The following ZNF525 variants were observed in gnomAD, a reference collection of about 807,000 sequenced individuals.
ZNF525 encodes zinc finger protein 525.
Under a neutral mutation model 37.6 loss-of-function variants are expected in ZNF525, and 33 were observed. The observed-to-expected ratio is 0.88, with a 90% CI of 0.67 to 1.17. ZNF525 has a LOEUF of 1.17. ZNF525 is among the 50% of genes most tolerant of loss of function. The probability of loss-of-function intolerance (pLI) is 0.00; values close to 1 mark genes in which losing one functional copy is unlikely to be tolerated. For missense variants in ZNF525, 449 were observed against 543.1 expected (o/e 0.83, Z 1.72); for synonymous variants, 170 against 182.3 (o/e 0.93, Z 0.54).
At chr19:53,375,606 A>G (rs2085515915) in intron 2 of ZNF525, among the ~76,000 whole-genome samples, 164 bp from the exon 3 acceptor site, 1 of 152,122 alleles carries the variant, frequency 6.6e-6, no homozygotes, top group Non-Finnish European at 1.5e-5. Context: ...AAGTATAACA[A>G]AACACAACTG....
In ZNF525 at chr19:53,369,148, A is replaced by T. The variant is rs539634593; in HGVS notation, c.-67-3067A>T. Among the ~76,000 whole-genome samples the T allele has an allele frequency of 5.9e-5, 9 of 152,306 alleles. No individual in the cohort carries two copies. The South Asian group carries it at 1.9e-3, about 32-fold the overall frequency. On this transcript the variant is annotated intron_variant, in intron 1 of 3. Coordinates refer to ENST00000474037, the MANE Select transcript of ZNF525 (RefSeq NM_001348156.2). ...GGGAACTTTTTTTTGACCTTGCATG[A>T]ATTTTAAACTATTCACCAGGTGAAA...
chr19:53,382,023 C>A lies in ZNF525; in HGVS notation c.*4C>A, dbSNP rs60179423. On this transcript the variant is annotated 3_prime_UTR_variant, in exon 4 of 4. Transcript: ENST00000474037. The stretch of plus-strand genomic sequence containing the variant: ...CAAGGCTTACAGTTTCAAATAAAAT[C>A]TTGAAATACGTCAGAAAATTCATAC... 161,886 of 1,278,960 alleles carry A rather than the reference C, an allele frequency of 0.13. 11,310 individuals carry two copies. Among genetic ancestry groups the A allele is most frequent in the African/African-American group, 0.23 (15,831 of 67,698 alleles). 79.2% of individuals were successfully genotyped at this position (1,278,960 alleles called of 1,614,324 possible). A position where few individuals can be genotyped will look rare whatever the true frequency, so the allele number is the denominator to read the frequency against.
rs137973613 is a variant in ZNF525, at chr19:53,372,460, G to T, written c.15+164G>T. The T allele has an allele frequency of 2.5e-3, 1,831 of 747,286 alleles. 18 individuals are homozygous for T. The African/African-American group carries it at 0.027, about 11-fold the overall frequency. The allele number at this position is 747,286 out of a possible 1,614,324, so 46.3% of individuals were successfully genotyped here. ...TCATCTCACTTAGATTTTATCTCTT[G>T]TGGCTCAGTGACATGAACTTGGGAA... On this transcript the variant is annotated intron_variant, in intron 2 of 3. Transcript: ENST00000474037.
chr19:53,381,742 G>A lies in ZNF525; in HGVS notation c.1163G>A (p.Cys388Tyr). 1 of 1,081,468 alleles carries A rather than the reference G, an allele frequency of 9.2e-7. No homozygotes were observed. Among genetic ancestry groups the A allele is most frequent in the Non-Finnish European group, 1.4e-6 (1 of 693,064 alleles). 67.0% of individuals were successfully genotyped at this position (1,081,468 alleles called of 1,614,324 possible). A position where few individuals can be genotyped will look rare whatever the true frequency, so the allele number is the denominator to read the frequency against. The change falls in exon 4 of 4, where the codon TGT (cysteine) becomes TAT (tyrosine). Residue 388 changes from cysteine to tyrosine, a missense_variant. By Grantham distance (194) the Cys-to-Tyr change is radical. Transcript: ENST00000474037. ...GAGAAACCATACAAGTGTAATGATT[G>A]TGGCAAGACCTTCAGTCATATGTCA... ...TGEKPYKCND[C>Y]GKTFSHMSTL...
At chr19:53,375,214 T>C (rs2085512916) in intron 2 of ZNF525, among the ~76,000 whole-genome samples, 1 of 152,158 alleles carries the variant, frequency 6.6e-6, no homozygotes, top group Non-Finnish European at 1.5e-5. Flanking sequence ...GATCTTTCAC[T>C]GTGGACGTTG....
intron 2 of ZNF525, 105 bp from the exon 3 acceptor site, chr19:53,375,665 T>C: frequency 6.2e-7 from 1 of 1,610,042 alleles, no homozygotes; most frequent in Non-Finnish European, 8.5e-7. Flanking sequence ...TGTCAGAACA[T>C]TCACTGCAAT....
At chr19:53,380,584 T>G (rs751718442) in intron 3 of ZNF525, 138 bp from the exon 4 acceptor site, 7 of 543,934 alleles carry the variant, frequency 1.3e-5, no homozygotes, top group Non-Finnish European at 2.2e-5. Flanking sequence ...TTCATAATAA[T>G]AATTTGAAGC....
At chr19:53,378,051 A>C (rs1209322838) in intron 3 of ZNF525, among the ~76,000 whole-genome samples, 4 of 152,092 alleles carry the variant, frequency 2.6e-5, no homozygotes, top group Non-Finnish European at 5.9e-5. Flanking sequence ...TGGCCAGCTG[A>C]GGTGGGTCAT....
intron 1 of ZNF525, among the ~76,000 whole-genome samples, chr19:53,366,648 G>A (rs533853578): frequency 6.6e-6 from 1 of 151,946 alleles, no homozygotes; most frequent in South Asian, 2.1e-4. Flanking sequence ...GAGAGGGACA[G>A]CAAAGAGGGA....
chr19:53,378,939 T>C (rs766079414), intron 3 of ZNF525, among the ~76,000 whole-genome samples: 2 of 152,176 alleles, frequency 1.3e-5, no homozygotes, highest in Non-Finnish European at 2.9e-5. Flanking sequence ...CATACAATGT[T>C]TTCTCTGATC....
intron 3 of ZNF525, among the ~76,000 whole-genome samples, chr19:53,379,228 G>T (rs964407528): frequency 1.3e-5 from 2 of 151,976 alleles, no homozygotes; most frequent in Non-Finnish European, 2.9e-5. Context: ...CGATTCTCTT[G>T]CCTCAGCCTT....
At chr19:53,369,258 T>C (rs1182692970) in intron 1 of ZNF525, among the ~76,000 whole-genome samples, 4 of 152,166 alleles carry the variant, frequency 2.6e-5, no homozygotes, top group Non-Finnish European at 5.9e-5. Flanking sequence ...CTTTTTTTTT[T>C]TGAGCTGGAG....
At chr19:53,371,622 G>A (rs2085488685) in intron 1 of ZNF525, among the ~76,000 whole-genome samples, 1 of 152,024 alleles carries the variant, frequency 6.6e-6, no homozygotes, top group South Asian at 2.1e-4. Flanking sequence ...ACCCACCTTG[G>A]CCTTCCAGAG....
At position 53,380,094 on chromosome 19, in the gene ZNF525, T is replaced by A. The variant is rs534374112; in HGVS notation, c.143-628T>A. The stretch of plus-strand genomic sequence containing the variant: ...ATTTTATGACAGTTATTCAGAAAAA[T>A]ATTTTTTTTTTTTTGAGATGGAGTC... On this transcript the variant is annotated intron_variant, in intron 3 of 3. Coordinates refer to ENST00000474037, the MANE Select transcript of ZNF525 (RefSeq NM_001348156.2). Among the ~76,000 whole-genome samples, 4 of 151,956 alleles carry A rather than the reference T, an allele frequency of 2.6e-5. No individual in the cohort carries two copies. The South Asian group carries it at 8.3e-4, about 32-fold the overall frequency.
At position 53,381,730 on chromosome 19, in the gene ZNF525, A is replaced by T. The variant is rs554427273; in HGVS notation, c.1151A>T (p.Lys384Met). ...ACTCATACTGGAGAGAAACCATACA[A>T]GTGTAATGATTGTGGCAAGACCTTC... ...RITHTGEKPY[K>M]CNDCGKTFSH... Residue 384 changes from lysine (K) to methionine (M), a missense_variant, in exon 4 of 4, where the codon AAG becomes ATG. Around this residue, in one of 2 missense-constraint regions of ZNF525, gnomAD observed 178 missense variants for 161.5 expected, o/e 1.10. Coordinates refer to ENST00000474037, the MANE Select transcript of ZNF525 (RefSeq NM_001348156.2). The T allele has an allele frequency of 9.2e-7, 1 of 1,084,028 alleles. No homozygotes were observed. The highest frequency in any genetic ancestry group is 1.5e-5 in the African/African-American group (1 of 65,320). The allele number at this position is 1,084,028 out of a possible 1,614,324, so 67.2% of individuals were successfully genotyped here.
chr19:53,376,605 T>C (rs541941988), intron 3 of ZNF525, among the ~76,000 whole-genome samples: 22 of 152,238 alleles, frequency 1.4e-4, no homozygotes, highest in Non-Finnish European at 2.6e-4. Flanking sequence ...TATGATGGAG[T>C]CTCCCTCTGT....
chr19:53,372,330 C>T (rs566480403), intron 2 of ZNF525, 34 bp downstream of exon 2: 7 of 772,294 alleles, frequency 9.1e-6, no homozygotes, highest in Admixed American at 1.8e-5. Flanking sequence ...TGTTCTGTCT[C>T]CTTCCTTTCA....
intron 1 of ZNF525, among the ~76,000 whole-genome samples, chr19:53,367,127 G>T (rs112358813): frequency 2.6e-5 from 4 of 151,448 alleles, no homozygotes; most frequent in African/African-American, 9.8e-5. Flanking sequence ...AAATACACAC[G>T]TTTGTCCTTT....
chr19:53,386,170 T>A lies in ZNF525; in HGVS notation c.*4151T>A. ...AAACTCCATCTCAAAAAAAAAAAAA[T>A]TGTCAAGTTCCTTCTCTTCCATTCT... On this transcript the variant is annotated 3_prime_UTR_variant, in exon 4 of 4. Coordinates refer to ENST00000474037, the MANE Select transcript of ZNF525 (RefSeq NM_001348156.2). 8 of 474,590 alleles carry A rather than the reference T, an allele frequency of 1.7e-5. No individual in the cohort carries two copies. The highest frequency in any genetic ancestry group is 2.8e-5 in the Admixed American group (1 of 35,944). The allele number at this position is 474,590 out of a possible 1,614,324, so 29.4% of individuals were successfully genotyped here.
Sources: allele counts gnomAD v4.1 joint callset (sites outside exome capture counted in the v4.1 genomes callset), GRCh38; gene constraint gnomAD v4.1.1; regional missense constraint gnomAD v4.1.1; transcripts MANE v1.5; gene names NCBI Gene and HGNC (gene_info 2026-07-23, HGNC 2026-07-21).